The following ATL3 variants were observed in gnomAD, a reference collection of about 807,000 sequenced individuals.
The protein encoded by ATL3 is atlastin-3.
ATL3 carries 49 observed loss-of-function variants against 69.5 expected under a neutral mutation model. The ratio of observed to expected loss-of-function variants is 0.71; its 90% confidence interval spans 0.56 to 0.89. The LOEUF is 0.89. Among genes scored for constraint, ATL3 ranks in the 40% least tolerant of loss-of-function variants. The pLI is 0.00. For missense variants in ATL3, 606 were observed against 645.7 expected (o/e 0.94, Z 0.67); for synonymous variants, 214 against 224.1 (o/e 0.95, Z 0.40).
At chr11:63,668,884 G>GA (rs1185676027) in intron 1 of ATL3, among the ~76,000 whole-genome samples, 1,233 of 102,344 alleles carry the variant, frequency 0.012, 14 homozygotes, top group African/African-American at 0.041. Context: ...GCAGAAAAAA[G>GA]AAAAAAAAAA....
rs114704559 is a variant in ATL3 at position 63,662,779 on chromosome 11, G to A, written c.47-3527C>T. On this transcript the variant is annotated intron_variant, in intron 1 of 12. Coordinates refer to ENST00000398868, the MANE Select transcript of ATL3 (RefSeq NM_015459.5). ...CAGCGACACCGTACCCAGCCAAGAA[G>A]TCAATTTAAAGTCGACTTAAGGAGA... Among the ~76,000 whole-genome samples the A allele has an allele frequency of 1.3e-3, 201 of 152,260 alleles. 1 individual carries two copies. Among genetic ancestry groups the A allele is most frequent in the African/African-American group, 4.8e-3 (198 of 41,550 alleles).
chr11:63,629,557 C>T (rs1048756033), intron 12 of ATL3, 152 bp from the exon 13 acceptor site: 3 of 668,792 alleles, frequency 4.5e-6, no homozygotes, highest in Non-Finnish European at 2.6e-6. Flanking sequence ...GAGGCTGTGG[C>T]AGCAGCTAAC....
upstream of ATL3, chr11:63,671,906 G>A (rs537132573): frequency 6.8e-4 from 202 of 295,114 alleles, no homozygotes; most frequent in Middle Eastern, 1.0e-3. Context: ...CAGCTTTGGT[G>A]TTTAACTAGG....
At position 63,625,022 on chromosome 11, in the gene ATL3, G is replaced by C. The variant is rs189637301; in HGVS notation, c.*4297C>G. On this transcript the variant is annotated 3_prime_UTR_variant, in exon 13 of 13. Coordinates refer to ENST00000398868, the MANE Select transcript of ATL3 (RefSeq NM_015459.5). ...AGGCAATCCCTGGGTACAAAGCTAG[G>C]AATCTGAACTTTTTAAACAAGCCTG... 2.0e-5 allele frequency: 3 copies of C among 152,226 alleles called. No individual in the cohort carries two copies. Among genetic ancestry groups the C allele is most frequent in the Non-Finnish European group, 2.9e-5 (2 of 68,006 alleles). 9.4% of individuals were successfully genotyped at this position (152,226 alleles called of 1,614,324 possible).
intron 8 of ATL3, among the ~76,000 whole-genome samples, 169 bp from the exon 9 acceptor site, chr11:63,636,503 C>G (rs569731038): frequency 6.6e-6 from 1 of 152,114 alleles, no homozygotes; most frequent in Middle Eastern, 3.4e-3. Context: ...CTTTGGGAGG[C>G]CGAGGCAGGT....
chr11:63,657,766 A>G (rs1055646411), intron 3 of ATL3, among the ~76,000 whole-genome samples: 20 of 152,194 alleles, frequency 1.3e-4, no homozygotes, highest in African/African-American at 4.8e-4. Flanking sequence ...TTGAAAAAAA[A>G]TTTCAGAAAA....
At position 63,632,395 on chromosome 11, in the gene ATL3, C is replaced by CA. The variant is rs533417340; in HGVS notation, c.1107+630dup. 306 of 866,680 alleles carry CA rather than the reference C, an allele frequency of 3.5e-4. 1 individual carries two copies. The African/African-American group carries it at 4.3e-3, about 12-fold the overall frequency. 53.7% of individuals were successfully genotyped at this position (866,680 alleles called of 1,614,324 possible). ...TGTCTTTGCACAAAATCTTAGTCGA[C>CA]ATTTTGATAGTATCCAAAGAGGTGA... On this transcript the variant is annotated intron_variant, in intron 11 of 12. Transcript: ENST00000398868.
At chr11:63,668,432 C>T (rs1002906660) in intron 1 of ATL3, among the ~76,000 whole-genome samples, 8 of 152,188 alleles carry the variant, frequency 5.3e-5, no homozygotes, top group African/African-American at 9.7e-5. Context: ...CACTGCAATA[C>T]GCTTAAGGCT....
In ATL3 at chr11:63,627,492, G is replaced by A. The variant is rs917073103; in HGVS notation, c.*1827C>T. 1.3e-5 allele frequency: 2 copies of A among 152,182 alleles called. No homozygotes were observed. Among genetic ancestry groups the A allele is most frequent in the African/African-American group, 2.4e-5 (1 of 41,444 alleles). The allele number at this position is 152,182 out of a possible 1,614,324, so 9.4% of individuals were successfully genotyped here. Reference sequence around the variant, plus strand: ...TCAAAAGAAAATTCTTTGATAAAGAGATTACATGCGAAAAGGGACTTTTTT... The same window carrying A: ...TCAAAAGAAAATTCTTTGATAAAGAAATTACATGCGAAAAGGGACTTTTTT... On this transcript the variant is annotated 3_prime_UTR_variant, in exon 13 of 13. Transcript: ENST00000398868.
At chr11:63,637,857 G>C (rs1471469751) in intron 8 of ATL3, 1 of 152,088 alleles carries the variant, frequency 6.6e-6, no homozygotes, top group African/African-American at 2.4e-5. Flanking sequence ...CAGTGAAAAA[G>C]TATAAAAGTA....
chr11:63,640,573 AT>A (rs1424647033), intron 8 of ATL3, among the ~76,000 whole-genome samples: 8 of 136,008 alleles, frequency 5.9e-5, no homozygotes, highest in Admixed American at 3.0e-4. Flanking sequence ...ATTCTCTATG[AT>A]AATAATGCTA....
At chr11:63,671,655 T>A (rs1411044523), upstream of ATL3, 5 of 1,393,920 alleles carry the variant, frequency 3.6e-6, no homozygotes, top group Non-Finnish European at 4.7e-6. Flanking sequence ...GGGCGCTGAG[T>A]GCTACCGTCC....
intron 1 of ATL3, among the ~76,000 whole-genome samples, chr11:63,661,081 T>C (rs1940405059): frequency 6.6e-6 from 1 of 151,300 alleles, no homozygotes; most frequent in Admixed American, 6.6e-5. Flanking sequence ...AAATTAGCCA[T>C]GCGTGGTGTC....
At chr11:63,643,567 G>T (rs756304851) in intron 7 of ATL3, 72 bp from the exon 8 acceptor site, 25 of 1,424,424 alleles carry the variant, frequency 1.8e-5, no homozygotes, top group Non-Finnish European at 2.3e-5. Flanking sequence ...ACTAGTATAA[G>T]GACAAAGGAA....
intron 1 of ATL3, among the ~76,000 whole-genome samples, chr11:63,661,003 C>A (rs1940402309): frequency 6.6e-6 from 1 of 150,996 alleles, no homozygotes; most frequent in Non-Finnish European, 1.5e-5. Context: ...CACTTGAGGT[C>A]AGGAGTTCAA....
intron 1 of ATL3, among the ~76,000 whole-genome samples, chr11:63,667,638 A>C (rs1164208473): frequency 1.3e-5 from 2 of 151,760 alleles, no homozygotes; most frequent in African/African-American, 2.4e-5. Flanking sequence ...GTGGTGCATG[A>C]CTGCAGTCCC....
intron 1 of ATL3, among the ~76,000 whole-genome samples, chr11:63,664,458 T>A (rs1042160653): frequency 6.6e-6 from 1 of 151,118 alleles, no homozygotes; most frequent in African/African-American, 2.4e-5. Context: ...GAGAATCGCT[T>A]GAACCCGGGA....
At chr11:63,650,777 G>A (rs560393265) in intron 5 of ATL3, 1 of 152,272 alleles carries the variant, frequency 6.6e-6, no homozygotes, top group East Asian at 1.9e-4. Flanking sequence ...TTGAAAGGAA[G>A]GAGCTTAGAA....
At chr11:63,639,313 C>T (rs57271780) in intron 8 of ATL3, among the ~76,000 whole-genome samples, 91 of 152,282 alleles carry the variant, frequency 6.0e-4, no homozygotes, top group African/African-American at 2.2e-3. Flanking sequence ...GTACATAAAC[C>T]TTTGCAGAGC....
Sources: allele counts gnomAD v4.1 joint callset (sites outside exome capture counted in the v4.1 genomes callset), GRCh38; gene constraint gnomAD v4.1.1; transcripts MANE v1.5; gene names NCBI Gene and HGNC (gene_info 2026-07-23, HGNC 2026-07-21).